The following CEP350 variants were observed in gnomAD, a reference collection of about 807,000 sequenced individuals.
The protein encoded by CEP350 is centrosome-associated protein 350.
CEP350 carries 126 observed loss-of-function variants against 331.8 expected under a neutral mutation model. That is an observed-to-expected ratio of 0.38 (90% CI 0.33 to 0.44). The LOEUF is 0.44. CEP350 is among the 20% of genes least tolerant of loss of function. The pLI, the probability that CEP350 is intolerant of heterozygous loss-of-function variation, is 1.00. For missense variants in CEP350, 3,406 were observed against 3,634.6 expected (o/e 0.94, Z 1.62); for synonymous variants, 1,200 against 1,259.5 (o/e 0.95, Z 1.00).
In CEP350 at chr1:180,095,850, A is replaced by T; in HGVS notation, c.8839A>T (p.Ile2947Phe). ...WKELGHDLHS[I>F]SIPTKLLGCA... is the part of the protein sequence containing the mutation. ...AGAATTAGGCCACGATCTTCATAGC[A>T]TCAGTATTCCTACAAAACTGCTTGG... The change falls in exon 35 of 38, where the codon ATC becomes TTC. Residue 2947 changes from isoleucine to phenylalanine, a missense_variant. Coordinates refer to ENST00000367607, the MANE Select transcript of CEP350 (RefSeq NM_014810.5). 1.2e-6 allele frequency: 2 copies of T among 1,613,896 alleles called. No homozygotes were observed. Among genetic ancestry groups the T allele is most frequent in the Non-Finnish European group, 1.7e-6 (2 of 1,179,850 alleles).
chr1:179,981,689 T>A (rs1362750787), intron 1 of CEP350, among the ~76,000 whole-genome samples: 1 of 152,110 alleles, frequency 6.6e-6, no homozygotes, highest in African/African-American at 2.4e-5. Flanking sequence ...AGAATAGATA[T>A]CATAAAACTG....
intron 8 of CEP350, among the ~76,000 whole-genome samples, chr1:180,008,909 C>T (rs577812697): frequency 6.6e-6 from 1 of 152,172 alleles, no homozygotes; most frequent in South Asian, 2.1e-4. Context: ...TTTTGTGACA[C>T]CCATTGTTAA....
intron 1 of CEP350, among the ~76,000 whole-genome samples, chr1:179,955,493 T>C (rs914488686): frequency 6.6e-6 from 1 of 152,138 alleles, no homozygotes; most frequent in African/African-American, 2.4e-5. Context: ...TTTGGGGAGA[T>C]TCCGGGGACT....
chr1:180,085,044 T>C (rs1659782201), intron 31 of CEP350, among the ~76,000 whole-genome samples: 1 of 150,840 alleles, frequency 6.6e-6, no homozygotes, highest in African/African-American at 2.4e-5. Flanking sequence ...TCCTCTTTCC[T>C]CTTCCTTCCC....
At chr1:180,067,522 T>G (rs568067784) in intron 27 of CEP350, among the ~76,000 whole-genome samples, 48 of 152,202 alleles carry the variant, frequency 3.2e-4, no homozygotes, top group African/African-American at 1.0e-3. Flanking sequence ...AAACCTCATC[T>G]CTACTAAAAA....
chr1:180,037,233 A>G (rs1421636831), intron 17 of CEP350, 144 bp downstream of exon 17: 4 of 554,224 alleles, frequency 7.2e-6, no homozygotes, highest in Non-Finnish European at 1.1e-5. Context: ...TCCTGGGAAA[A>G]ATCTGTCGGG....
At chr1:180,042,130 TCTCACA>T (rs962095076) in intron 19 of CEP350, among the ~76,000 whole-genome samples, 6 of 69,208 alleles carry the variant, frequency 8.7e-5, no homozygotes, top group East Asian at 4.9e-4. Context: ...GTGAGTTTTC[TCTCACA>T]CACACACACA....
chr1:180,031,671 A>G (rs191001137), intron 15 of CEP350, among the ~76,000 whole-genome samples, 177 bp downstream of exon 15: 1 of 152,172 alleles, frequency 6.6e-6, no homozygotes, highest in Non-Finnish European at 1.5e-5. Flanking sequence ...TCTAATCTTT[A>G]TCTGTATATT....
Position 180,044,216 on chromosome 1 carries a change from T to C in CEP350, c.4622+43T>C, listed in dbSNP as rs774563923. 30 of 1,481,688 alleles carry C rather than the reference T, an allele frequency of 2.0e-5. No homozygotes were observed. In the East Asian group the frequency reaches 7.1e-4, roughly 35 times the overall value. 91.8% of individuals were successfully genotyped at this position (1,481,688 alleles called of 1,614,324 possible). A position where few individuals can be genotyped will look rare whatever the true frequency, so the allele number is the denominator to read the frequency against. On this transcript the variant is annotated intron_variant, in intron 21 of 37. Transcript: ENST00000367607. ...TCTTTGTCAGTACAGTTTAGTAGAT[T>C]GTGATAAATGGCTTAAACATTGCTT...
chr1:180,062,719 A>C (rs983227787), intron 26 of CEP350, among the ~76,000 whole-genome samples: 1 of 152,162 alleles, frequency 6.6e-6, no homozygotes, highest in Non-Finnish European at 1.5e-5. Flanking sequence ...TGCTAGCTCA[A>C]TCCCCTCTTT....
At chr1:180,090,332 A>T (rs1391122654) in intron 32 of CEP350, among the ~76,000 whole-genome samples, 1 of 151,496 alleles carries the variant, frequency 6.6e-6, no homozygotes, top group Non-Finnish European at 1.5e-5. Flanking sequence ...GGATCATGAG[A>T]TCAGGAGATC....
chr1:180,070,150 T>C (rs1407801237), intron 27 of CEP350, among the ~76,000 whole-genome samples: 1 of 152,194 alleles, frequency 6.6e-6, no homozygotes, highest in Non-Finnish European at 1.5e-5. Flanking sequence ...GACTCCTTGG[T>C]ATTCCAATGG....
Position 180,098,851 on chromosome 1 carries a change from T to G in CEP350, c.9067-12T>G. On this transcript the variant is annotated splice_polypyrimidine_tract_variant and intron_variant, in intron 36 of 37. Transcript: ENST00000367607. The stretch of plus-strand genomic sequence containing the variant: ...GTTGTTTGTGTTTCGTGTATTTGTC[T>G]TGTTTCCACAGAGCTTCATAGCAAG... 6.2e-7 allele frequency: 1 copy of G among 1,609,832 alleles called. No individual in the cohort carries two copies. The highest frequency in any genetic ancestry group is 8.5e-7 in the Non-Finnish European group (1 of 1,178,138).
At chr1:179,984,304 A>AT (rs1436772656) in intron 1 of CEP350, among the ~76,000 whole-genome samples, 1 of 152,196 alleles carries the variant, frequency 6.6e-6, no homozygotes, top group Non-Finnish European at 1.5e-5. Context: ...TATGTAAGGA[A>AT]TTTGGGAGCA....
At chr1:179,981,302 G>C (rs551576758) in intron 1 of CEP350, among the ~76,000 whole-genome samples, 2 of 152,212 alleles carry the variant, frequency 1.3e-5, no homozygotes, top group East Asian at 3.9e-4. Context: ...TATGACTGTA[G>C]AATAAAGTTA....
rs1259776928 is a variant in CEP350 at position 180,113,683 on chromosome 1, C to T, written c.*2522C>T. 3 of 150,734 alleles carry T rather than the reference C, an allele frequency of 2.0e-5. No individual in the cohort carries two copies. Among genetic ancestry groups the T allele is most frequent in the Non-Finnish European group, 3.0e-5 (2 of 67,390 alleles). 9.3% of individuals were successfully genotyped at this position (150,734 alleles called of 1,614,324 possible). On this transcript the variant is annotated 3_prime_UTR_variant, in exon 38 of 38. Coordinates refer to ENST00000367607, the MANE Select transcript of CEP350 (RefSeq NM_014810.5). The stretch of plus-strand genomic sequence containing the variant: ...AGATAGATGTGGATACCCAGCCACT[C>T]GTTCCATATTGGTATCTTTTTAAAT...
intron 27 of CEP350, among the ~76,000 whole-genome samples, chr1:180,069,048 G>A (rs188089716): frequency 6.6e-6 from 1 of 152,166 alleles, no homozygotes; most frequent in Admixed American, 6.5e-5. Flanking sequence ...TCAGCCTCCT[G>A]AGGGAGTTAA....
intron 16 of CEP350, among the ~76,000 whole-genome samples, chr1:180,035,830 A>T (rs1036154393): frequency 1.3e-5 from 2 of 152,222 alleles, no homozygotes; most frequent in African/African-American, 4.8e-5. Context: ...TTCTGTACCC[A>T]TGGATCAAGT....
intron 1 of CEP350, among the ~76,000 whole-genome samples, chr1:179,977,550 T>G (rs1651960754): frequency 6.6e-6 from 1 of 152,158 alleles, no homozygotes; most frequent in Admixed American, 6.5e-5. Context: ...TATTATTTCT[T>G]ATATCACTTG....
Sources: allele counts gnomAD v4.1 joint callset (sites outside exome capture counted in the v4.1 genomes callset), GRCh38; gene constraint gnomAD v4.1.1; transcripts MANE v1.5; gene names NCBI Gene and HGNC (gene_info 2026-07-23, HGNC 2026-07-21).